The following ADARB2 variants were observed in gnomAD, a reference collection of about 807,000 sequenced individuals.
ADARB2 encodes the protein inactive double-stranded RNA-specific editase B2.
A neutral mutation model predicts 62.2 loss-of-function variants in ADARB2; 25 were observed. That is an observed-to-expected ratio of 0.40 (90% confidence interval 0.29 to 0.56). The LOEUF is 0.56. Among genes scored for constraint, ADARB2 ranks in the 20% least tolerant of loss-of-function variants. The probability of loss-of-function intolerance (pLI) is 0.43; values close to 1 mark genes in which losing one functional copy is unlikely to be tolerated. For missense variants in ADARB2, 1,071 were observed against 1,077.4 expected, an observed-to-expected ratio of 0.99 and a Z score of 0.08; for synonymous variants, 572 against 500.8, an observed-to-expected ratio of 1.14 and a Z score of -1.90.
Position 1,677,427 on chromosome 10 carries a change from C to T in ADARB2, c.100+59624G>A, listed in dbSNP as rs184204359. ...GCTGGGCTGGTGCTGCCTGGTTGGG[C>T]GGAGGTGAACATCTGCCCAGGAAGG... On this transcript the variant is annotated intron_variant, in intron 1 of 9. Coordinates refer to ENST00000381312, the MANE Select transcript of ADARB2 (RefSeq NM_018702.4). Among the ~76,000 whole-genome samples the T allele has an allele frequency of 9.9e-5, 15 of 152,200 alleles. No homozygotes were observed. The East Asian group carries it at 1.7e-3, about 18-fold the overall frequency.
intron 1 of ADARB2, among the ~76,000 whole-genome samples, chr10:1,429,290 A>G (rs1335705834): frequency 5.9e-5 from 9 of 152,244 alleles, no homozygotes; most frequent in African/African-American, 9.6e-5. Flanking sequence ...ATCTTAAATC[A>G]TGATCATGAA....
At chr10:1,557,826 C>T (rs975649442) in intron 1 of ADARB2, among the ~76,000 whole-genome samples, 11 of 141,344 alleles carry the variant, frequency 7.8e-5, no homozygotes, top group Admixed American at 1.4e-4. Flanking sequence ...ACATGAGAAT[C>T]GTTTGAACCC....
intron 1 of ADARB2, among the ~76,000 whole-genome samples, chr10:1,593,079 C>T (rs112771827): frequency 2.1e-4 from 17 of 81,902 alleles, no homozygotes; most frequent in Admixed American, 2.6e-4. Flanking sequence ...CAGCTTCCCT[C>T]GCCCACGCCA....
intron 1 of ADARB2, among the ~76,000 whole-genome samples, chr10:1,417,427 G>A (rs1233822399): frequency 6.6e-6 from 1 of 152,182 alleles, no homozygotes; most frequent in African/African-American, 2.4e-5. Context: ...CGATTTCTAA[G>A]GCACTCTGCT....
intron 1 of ADARB2, among the ~76,000 whole-genome samples, chr10:1,672,634 C>T (rs929070251): frequency 7.9e-5 from 12 of 151,162 alleles, no homozygotes; most frequent in Non-Finnish European, 1.5e-4. Flanking sequence ...CACACTTTCC[C>T]CTCCTCCTTG....
intron 3 of ADARB2, among the ~76,000 whole-genome samples, chr10:1,342,667 T>A (rs1392474244): frequency 6.6e-6 from 1 of 152,228 alleles, no homozygotes; most frequent in Non-Finnish European, 1.5e-5. Flanking sequence ...AGCAGCACTC[T>A]GGCTCTGAGT....
At chr10:1,450,172 A>G (rs1288703224) in intron 1 of ADARB2, among the ~76,000 whole-genome samples, 1 of 152,134 alleles carries the variant, frequency 6.6e-6, no homozygotes, top group Non-Finnish European at 1.5e-5. Context: ...AGAGGGAGGG[A>G]GGAATTCCTC....
chr10:1,439,299 T>A (rs2805552), intron 1 of ADARB2, among the ~76,000 whole-genome samples: 2 of 96,740 alleles, frequency 2.1e-5, no homozygotes, highest in African/African-American at 4.8e-5. Flanking sequence ...TCCTTCACTA[T>A]GGGGCTTCTG....
At chr10:1,286,293 A>T (rs79815051) in intron 3 of ADARB2, among the ~76,000 whole-genome samples, 5,632 of 152,286 alleles carry the variant, frequency 0.037, 145 homozygotes, top group Middle Eastern at 0.061. Flanking sequence ...GGATAATCAG[A>T]GAAAATGGAA....
chr10:1,369,872 G>A (rs1174444062), intron 2 of ADARB2, among the ~76,000 whole-genome samples: 1 of 152,118 alleles, frequency 6.6e-6, no homozygotes, highest in African/African-American at 2.4e-5. Flanking sequence ...TCCAAAGCTC[G>A]AGGCACAGAT....
At chr10:1,481,262 T>C (rs934635529) in intron 1 of ADARB2, among the ~76,000 whole-genome samples, 4 of 152,138 alleles carry the variant, frequency 2.6e-5, no homozygotes, top group African/African-American at 9.7e-5. Context: ...AATATTCACA[T>C]GTAAAAAAGA....
intron 8 of ADARB2, chr10:1,187,836 GCTT>G (rs4002636): frequency 2.5e-4 from 109 of 436,858 alleles, no homozygotes; most frequent in African/African-American, 1.9e-3. Flanking sequence ...TTGCATGGGG[GCTT>G]CTTCTCACCA....
At chr10:1,437,327 C>A (rs184852429) in intron 1 of ADARB2, among the ~76,000 whole-genome samples, 1 of 151,712 alleles carries the variant, frequency 6.6e-6, no homozygotes, top group Non-Finnish European at 1.5e-5. Context: ...TGTGGATGAA[C>A]GTAAAGTTAG....
At chr10:1,503,983 A>G (rs1588280065) in intron 1 of ADARB2, among the ~76,000 whole-genome samples, 1 of 152,228 alleles carries the variant, frequency 6.6e-6, no homozygotes, top group African/African-American at 2.4e-5. Context: ...AATCTCAGGT[A>G]TTTCTTGATA....
intron 1 of ADARB2, among the ~76,000 whole-genome samples, chr10:1,644,620 C>A (rs1170390022): frequency 6.6e-6 from 1 of 152,224 alleles, no homozygotes; most frequent in Admixed American, 6.5e-5. Context: ...TCCTGCCAGG[C>A]GCCTACGCGG....
intron 1 of ADARB2, among the ~76,000 whole-genome samples, chr10:1,473,313 C>A (rs1426565154): frequency 6.6e-6 from 1 of 152,182 alleles, no homozygotes; most frequent in Non-Finnish European, 1.5e-5. Flanking sequence ...AGGTTGCCTG[C>A]CACAGACCCT....
chr10:1,366,526 G>A (rs1295065660), intron 2 of ADARB2, among the ~76,000 whole-genome samples: 1 of 152,162 alleles, frequency 6.6e-6, no homozygotes, highest in Non-Finnish European at 1.5e-5. Flanking sequence ...GCTTCCCATT[G>A]CCCCAGTCAG....
At chr10:1,280,376 C>T (rs1831359004) in intron 3 of ADARB2, among the ~76,000 whole-genome samples, 1 of 152,210 alleles carries the variant, frequency 6.6e-6, no homozygotes, top group Admixed American at 6.5e-5. Context: ...TTGCTCTCTG[C>T]CCCTCATAGG....
intron 3 of ADARB2, among the ~76,000 whole-genome samples, chr10:1,302,440 G>C (rs1319593608): frequency 2.0e-5 from 3 of 152,196 alleles, no homozygotes; most frequent in African/African-American, 7.2e-5. Context: ...AGGCGGCAGC[G>C]AGCCTGGGGG....
Sources: gnomAD v4.1 joint callset for allele counts (sites outside exome capture counted in the v4.1 genomes callset) on GRCh38, gnomAD v4.1.1 for gene constraint, MANE v1.5 for transcripts, NCBI Gene and HGNC (gene_info 2026-07-23, HGNC 2026-07-21) for gene names.